DISC1: variants seen among roughly 807,000 people sequenced by gnomAD.
DISC1 encodes DISC1 scaffold protein.
DISC1 carries 57 observed loss-of-function variants against 84.5 expected under a neutral mutation model. The observed-to-expected ratio is 0.67, with a 90% CI of 0.55 to 0.84. DISC1 has a LOEUF of 0.84. Ranked by LOEUF, DISC1 falls within the 40% of genes least tolerant of loss-of-function variation. DISC1 has a pLI of 0.00. For synonymous variants in DISC1, 411 were observed against 415.2 expected (o/e 0.99, Z 0.12); for missense variants, 1,000 against 1,057.8 (o/e 0.95, Z 0.76).
At chr1:231,711,570 G>C (rs1446006632) in intron 3 of DISC1, among the ~76,000 whole-genome samples, 1 of 150,932 alleles carries the variant, frequency 6.6e-6, no homozygotes, top group East Asian at 2.0e-4. Context: ...GGGTTTCACC[G>C]TGTTAGCCAG....
At chr1:231,728,248 A>C (rs201938600) in intron 3 of DISC1, among the ~76,000 whole-genome samples, 47 of 152,210 alleles carry the variant, frequency 3.1e-4, no homozygotes, top group Non-Finnish European at 5.6e-4. Flanking sequence ...AAAGCATTAT[A>C]AAGCCAAGAT....
intron 9 of DISC1, among the ~76,000 whole-genome samples, chr1:231,878,176 A>G (rs145427273): frequency 6.6e-6 from 1 of 152,332 alleles, no homozygotes; most frequent in East Asian, 1.9e-4. Flanking sequence ...CAAGACAGAT[A>G]GGCACTCTGA....
Position 232,027,600 on chromosome 1 carries a change from G to A in DISC1, c.2425+1048G>A, listed in dbSNP as rs190852370. On this transcript the variant is annotated intron_variant, in intron 12 of 12. Coordinates refer to ENST00000439617, the MANE Select transcript of DISC1 (RefSeq NM_018662.3). Reference sequence around the variant, plus strand: ...TACCCAGTGGATGAAGGGATATGCAGCCCTATATCCTTTCAGTTATTTAAT... The same window carrying A: ...TACCCAGTGGATGAAGGGATATGCAACCCTATATCCTTTCAGTTATTTAAT... Among the ~76,000 whole-genome samples, 7 of 152,280 alleles carry A rather than the reference G, an allele frequency of 4.6e-5. No individual in the cohort carries two copies. The East Asian group carries it at 1.2e-3, about 25-fold the overall frequency.
chr1:231,834,703 T>C (rs2082500895), intron 9 of DISC1, among the ~76,000 whole-genome samples: 1 of 151,010 alleles, frequency 6.6e-6, no homozygotes, highest in African/African-American at 2.4e-5. Flanking sequence ...AGCTTGCCCA[T>C]AGTGAAGGAG....
intron 1 of DISC1, among the ~76,000 whole-genome samples, chr1:231,662,219 G>A (rs920300273): frequency 1.1e-4 from 17 of 152,242 alleles, no homozygotes; most frequent in African/African-American, 4.1e-4. Context: ...CACCCAGTCA[G>A]GTGGAATGGT....
At chr1:232,012,544 G>A (rs972703655) in intron 11 of DISC1, among the ~76,000 whole-genome samples, 7 of 152,188 alleles carry the variant, frequency 4.6e-5, no homozygotes, top group South Asian at 2.1e-4. Context: ...TTAGAACTCC[G>A]TGCTGGGTCT....
Position 231,818,535 on chromosome 1 carries a change from G to T in DISC1, c.1981+18G>T. On this transcript the variant is annotated intron_variant, in intron 9 of 12. Coordinates refer to ENST00000439617, the MANE Select transcript of DISC1 (RefSeq NM_018662.3). ...TGCCTATGGTAGGTAGTGCACAACT[G>T]TTCCCCGGCAAGATATTGATGATAT... The T allele has an allele frequency of 6.2e-7, 1 of 1,613,806 alleles. No individual in the cohort carries two copies. Among genetic ancestry groups the T allele is most frequent in the Non-Finnish European group, 8.5e-7 (1 of 1,179,830 alleles).
chr1:231,834,585 C>T (rs544174613), intron 9 of DISC1, among the ~76,000 whole-genome samples: 10 of 151,902 alleles, frequency 6.6e-5, no homozygotes, highest in East Asian at 1.9e-4. Flanking sequence ...CAAGCGGCAT[C>T]GCAGAAGAAA....
At chr1:231,903,666 C>CA (rs2088380743) in intron 9 of DISC1, among the ~76,000 whole-genome samples, 1 of 152,102 alleles carries the variant, frequency 6.6e-6, no homozygotes, top group South Asian at 2.1e-4. Flanking sequence ...ATGTTCCAGG[C>CA]AGAGGGAGCC....
intron 9 of DISC1, among the ~76,000 whole-genome samples, chr1:231,835,028 A>C (rs570863085): frequency 9.8e-5 from 15 of 152,334 alleles, no homozygotes; most frequent in African/African-American, 3.6e-4. Flanking sequence ...GTGTGGCGCC[A>C]AGATTGAAAG....
intron 8 of DISC1, among the ~76,000 whole-genome samples, chr1:231,801,556 A>T (rs1396099190): frequency 6.6e-6 from 1 of 152,214 alleles, no homozygotes; most frequent in African/African-American, 2.4e-5. Flanking sequence ...GATCTGCTGA[A>T]GGATGACCTG....
intron 9 of DISC1, among the ~76,000 whole-genome samples, chr1:231,824,312 G>C (rs199698191): frequency 4.0e-5 from 6 of 151,884 alleles, no homozygotes; most frequent in Non-Finnish European, 7.4e-5. Flanking sequence ...CGAAATCTTT[G>C]GTCATTTAGA....
In DISC1 at chr1:231,819,321, A is replaced by C. The variant is rs138356227; in HGVS notation, c.1981+804A>C. On this transcript the variant is annotated intron_variant, in intron 9 of 12. Coordinates refer to ENST00000439617, the MANE Select transcript of DISC1 (RefSeq NM_018662.3). Reference sequence around the variant, plus strand: ...CCAGATTTGAAATAGGGCTTTTGTAAATACTCCGTAAATTGAAGTAAATGA... The same window carrying C: ...CCAGATTTGAAATAGGGCTTTTGTACATACTCCGTAAATTGAAGTAAATGA... 4.7e-3 allele frequency: 1,107 copies of C among 236,532 alleles called. 7 individuals are homozygous for C. The highest frequency in any genetic ancestry group is 6.0e-3 in the Non-Finnish European group (853 of 143,176). 14.7% of individuals were successfully genotyped at this position (236,532 alleles called of 1,614,324 possible).
Position 231,694,721 on chromosome 1 carries a change from G to T in DISC1, c.963G>T (p.Gly321=). Residue 321 remains glycine, a synonymous_variant, in exon 2 of 13, where the codon GGG becomes GGT. Coordinates refer to ENST00000439617, the MANE Select transcript of DISC1 (RefSeq NM_018662.3). The part of the protein sequence containing the change: ...GCGGDGSSGS[G]DAHSWDTLLR... ...GTGGTGATGGGAGCAGCGGCTCAGG[G>T]GATGCCCACTCTTGGGACACCCTGC... The T allele has an allele frequency of 6.2e-7, 1 of 1,614,182 alleles. No homozygotes were observed. The highest frequency in any genetic ancestry group is 8.5e-7 in the Non-Finnish European group (1 of 1,180,046).
At chr1:231,868,692 T>TA (rs2085226389) in intron 9 of DISC1, among the ~76,000 whole-genome samples, 8 of 108,842 alleles carry the variant, frequency 7.4e-5, no homozygotes, top group African/African-American at 2.2e-4. Context: ...ACCCCATCTC[T>TA]TATATATATA....
intron 7 of DISC1, among the ~76,000 whole-genome samples, chr1:231,796,203 A>G (rs1322529887): frequency 6.6e-6 from 1 of 152,162 alleles, no homozygotes; most frequent in African/African-American, 2.4e-5. Context: ...TCTCATATGT[A>G]TTTATACCTG....
intron 11 of DISC1, among the ~76,000 whole-genome samples, chr1:232,010,721 AG>A (rs1452565670): frequency 6.6e-6 from 1 of 152,212 alleles, no homozygotes; most frequent in African/African-American, 2.4e-5. Flanking sequence ...TTAAGTTTGA[AG>A]AATAGCAGAC....
At chr1:231,720,939 C>G (rs535345806) in intron 3 of DISC1, 46 of 1,290,916 alleles carry the variant, frequency 3.6e-5, no homozygotes, top group Non-Finnish European at 4.7e-5. Flanking sequence ...TTTACTTTAC[C>G]TCTGCAGGAA....
At chr1:231,799,496 A>C (rs536359228) in intron 7 of DISC1, among the ~76,000 whole-genome samples, 15 of 152,024 alleles carry the variant, frequency 9.9e-5, no homozygotes, top group African/African-American at 3.6e-4. Flanking sequence ...ATCTGAGAAG[A>C]AGCTGTGGAA....
Sources: gnomAD v4.1 joint callset for allele counts (sites outside exome capture counted in the v4.1 genomes callset) on GRCh38, gnomAD v4.1.1 for gene constraint, MANE v1.5 for transcripts, NCBI Gene and HGNC (gene_info 2026-07-23, HGNC 2026-07-21) for gene names.